The following SEMA3E variants were observed in gnomAD, a reference collection of about 807,000 sequenced individuals.
SEMA3E encodes the protein semaphorin 3E, also known as semaphorin-3E.
A neutral mutation model predicts 93.6 loss-of-function variants in SEMA3E; 49 were observed. That is an observed-to-expected ratio of 0.52 (90% confidence interval 0.42 to 0.66). SEMA3E has a LOEUF of 0.66. Ranked by LOEUF, SEMA3E falls within the 30% of genes least tolerant of loss-of-function variation. The probability of loss-of-function intolerance (pLI) is 0.00; values close to 1 mark genes in which losing one functional copy is unlikely to be tolerated. For missense variants in SEMA3E, 906 were observed against 964.8 expected, an observed-to-expected ratio of 0.94 and a Z score of 0.81; for synonymous variants, 363 against 330.7, an observed-to-expected ratio of 1.10 and a Z score of -1.06.
intron 1 of SEMA3E, among the ~76,000 whole-genome samples, chr7:83,508,614 T>C (rs1790751205): frequency 6.6e-6 from 1 of 152,238 alleles, no homozygotes; most frequent in African/African-American, 2.4e-5. Context: ...TAACTCCTTC[T>C]ATAAAATCAA....
chr7:83,559,098 T>C (rs1338876793), intron 1 of SEMA3E, among the ~76,000 whole-genome samples: 1 of 152,076 alleles, frequency 6.6e-6, no homozygotes, highest in African/African-American at 2.4e-5. Flanking sequence ...ACTGGATCAA[T>C]TTTGATGTAG....
rs1216404840 is a variant in SEMA3E, at chr7:83,423,538, C to G, written c.457-5055G>C. Among the ~76,000 whole-genome samples, 11 of 145,346 alleles carry G rather than the reference C, an allele frequency of 7.6e-5. No homozygotes were observed. In the South Asian group the frequency reaches 2.2e-3, roughly 29 times the overall value. On this transcript the variant is annotated intron_variant, in intron 4 of 16. Transcript: ENST00000643230. ...TTTTTTTTTGAGACAGAGTCTCGCT[C>G]TGTCGCCCAGGCTGGAGTGCAGTGG...
At chr7:83,569,816 A>G (rs1481735858) in intron 1 of SEMA3E, among the ~76,000 whole-genome samples, 1 of 152,188 alleles carries the variant, frequency 6.6e-6, no homozygotes, top group Non-Finnish European at 1.5e-5. Flanking sequence ...CAGATCATAG[A>G]GACAGAAAAC....
At chr7:83,512,469 T>C (rs149307741) in intron 1 of SEMA3E, among the ~76,000 whole-genome samples, 22 of 152,304 alleles carry the variant, frequency 1.4e-4, no homozygotes, top group Admixed American at 8.5e-4. Context: ...TGTGCATACA[T>C]GCTGAGTAAG....
intron 1 of SEMA3E, 114 bp downstream of exon 1, chr7:83,648,314 T>C (rs926604008): frequency 1.2e-5 from 9 of 752,108 alleles, no homozygotes; most frequent in East Asian, 8.0e-5. Context: ...TTCAGGTGCA[T>C]TTTAAAGGTC....
intron 14 of SEMA3E, among the ~76,000 whole-genome samples, chr7:83,392,338 A>C (rs1482584851): frequency 6.6e-6 from 1 of 151,760 alleles, no homozygotes; most frequent in African/African-American, 2.4e-5. Context: ...CTTTATCTGA[A>C]CTCGTTTCAT....
intron 13 of SEMA3E, 52 bp downstream of exon 13, chr7:83,394,245 T>C: frequency 6.5e-7 from 1 of 1,546,992 alleles, no homozygotes; most frequent in East Asian, 2.3e-5. Flanking sequence ...GACCTTACCT[T>C]AGCTCACATA....
At chr7:83,626,517 A>T (rs769612179) in intron 1 of SEMA3E, among the ~76,000 whole-genome samples, 1 of 151,964 alleles carries the variant, frequency 6.6e-6, no homozygotes, top group African/African-American at 2.4e-5. Context: ...GTATTTTCTG[A>T]TGATAGTTTG....
At chr7:83,511,147 C>T (rs1011925497) in intron 1 of SEMA3E, among the ~76,000 whole-genome samples, 1 of 151,860 alleles carries the variant, frequency 6.6e-6, no homozygotes, top group Non-Finnish European at 1.5e-5. Context: ...TTTTTAAGAC[C>T]CTAAGGTAAG....
At chr7:83,441,563 T>C (rs1008491949) in intron 4 of SEMA3E, among the ~76,000 whole-genome samples, 1 of 152,200 alleles carries the variant, frequency 6.6e-6, no homozygotes, top group Admixed American at 6.5e-5. Flanking sequence ...ATGATAGCTA[T>C]AGTCATACAA....
At chr7:83,537,809 C>T (rs1791436579) in intron 1 of SEMA3E, among the ~76,000 whole-genome samples, 1 of 152,104 alleles carries the variant, frequency 6.6e-6, no homozygotes, top group South Asian at 2.1e-4. Context: ...TCCATCACCT[C>T]TAAAAGAAAT....
At chr7:83,600,080 T>C (rs1366565932) in intron 1 of SEMA3E, among the ~76,000 whole-genome samples, 1 of 152,174 alleles carries the variant, frequency 6.6e-6, no homozygotes, top group Non-Finnish European at 1.5e-5. Context: ...CCAATCTACT[T>C]TTACTCTCTC....
rs73380786 is a variant in SEMA3E, at chr7:83,605,719, A to G, written c.115+42709T>C. Among the ~76,000 whole-genome samples the G allele has an allele frequency of 1.5e-3, 227 of 152,230 alleles. 1 individual carries two copies. The highest frequency in any genetic ancestry group is 5.3e-3 in the African/African-American group (219 of 41,556). On this transcript the variant is annotated intron_variant, in intron 1 of 16. Coordinates refer to ENST00000643230, the MANE Select transcript of SEMA3E (RefSeq NM_012431.3). The stretch of plus-strand genomic sequence containing the variant: ...TGCTGGGATTACAGGTACGTGAGCC[A>G]CTGTGCCTGGCCATAAATGTCTTCT...
chr7:83,644,565 CA>C (rs1176595410), intron 1 of SEMA3E, among the ~76,000 whole-genome samples: 2 of 151,784 alleles, frequency 1.3e-5, no homozygotes, highest in Admixed American at 6.6e-5. Flanking sequence ...CTCAAAAACC[CA>C]GTAAAATGTA....
chr7:83,454,275 ATATAT>A (rs1562789467), intron 4 of SEMA3E, among the ~76,000 whole-genome samples: 69 of 93,390 alleles, frequency 7.4e-4, no homozygotes, highest in African/African-American at 1.7e-3. Context: ...AAAAAAAAAT[ATATAT>A]ATATATATAT....
chr7:83,441,938 T>C (rs180911259), intron 4 of SEMA3E, among the ~76,000 whole-genome samples: 1 of 152,326 alleles, frequency 6.6e-6, no homozygotes, highest in Non-Finnish European at 1.5e-5. Flanking sequence ...ATCAGTACTT[T>C]CAACTTGTCT....
intron 1 of SEMA3E, among the ~76,000 whole-genome samples, chr7:83,494,223 A>G (rs1326121353): frequency 1.3e-5 from 2 of 151,778 alleles, no homozygotes; most frequent in Non-Finnish European, 3.0e-5. Flanking sequence ...ACATTATTAA[A>G]ATGAATCCCA....
intron 1 of SEMA3E, among the ~76,000 whole-genome samples, chr7:83,634,010 A>C (rs971872751): frequency 6.6e-6 from 1 of 152,328 alleles, no homozygotes; most frequent in Admixed American, 6.5e-5. Context: ...TTCTCACATT[A>C]ACAGTATTCT....
chr7:83,435,076 TAA>T (rs1788976570), intron 4 of SEMA3E, among the ~76,000 whole-genome samples: 1 of 152,174 alleles, frequency 6.6e-6, no homozygotes, highest in Non-Finnish European at 1.5e-5. Context: ...TATCTAAAAA[TAA>T]GTGTCCTTTT....
Sources: gnomAD v4.1 joint callset for allele counts (sites outside exome capture counted in the v4.1 genomes callset) on GRCh38, gnomAD v4.1.1 for gene constraint, MANE v1.5 for transcripts, NCBI Gene and HGNC (gene_info 2026-07-23, HGNC 2026-07-21) for gene names.